Variants in KCNQ5 observed in about 807,000 individuals in gnomAD.
The protein encoded by KCNQ5 is potassium voltage-gated channel subfamily KQT member 5.
KCNQ5 carries 30 observed loss-of-function variants against 98.2 expected under a neutral mutation model. The ratio of observed to expected loss-of-function variants is 0.31; its 90% CI spans 0.23 to 0.41. The LOEUF (loss-of-function observed/expected upper bound fraction) is 0.41. Ranked by LOEUF, KCNQ5 falls within the 10% of genes least tolerant of loss-of-function variation. The probability of loss-of-function intolerance (pLI) is 1.00; values close to 1 mark genes in which losing one functional copy is unlikely to be tolerated. For missense variants in KCNQ5, 835 were observed against 1,182.5 expected (o/e 0.71, Z 4.31); for synonymous variants, 458 against 449.4 (o/e 1.02, Z -0.24).
At chr6:72,995,240 C>T (rs558300753) in intron 1 of KCNQ5, among the ~76,000 whole-genome samples, 13 of 151,976 alleles carry the variant, frequency 8.6e-5, no homozygotes, top group South Asian at 8.3e-4. Context: ...TGGTGGTGCA[C>T]GCCTGGAGTC....
chr6:73,064,499 G>T (rs926429249), intron 3 of KCNQ5, among the ~76,000 whole-genome samples: 1 of 151,854 alleles, frequency 6.6e-6, no homozygotes, highest in Admixed American at 6.6e-5. Flanking sequence ...TTTCAAATTT[G>T]ATTATTCATT....
intron 1 of KCNQ5, among the ~76,000 whole-genome samples, chr6:72,850,168 T>C (rs547549241): frequency 1.1e-3 from 165 of 152,252 alleles, no homozygotes; most frequent in African/African-American, 3.8e-3. Flanking sequence ...GGAAGGCACA[T>C]TGTCAGGTAA....
intron 2 of KCNQ5, among the ~76,000 whole-genome samples, chr6:73,037,512 G>A (rs7764774): frequency 0.24 from 36,913 of 151,892 alleles, 6,704 homozygotes; most frequent in East Asian, 0.5. Flanking sequence ...TTTTAAACCC[G>A]TGGTCCATTT....
At chr6:72,736,788 C>T (rs150792064) in intron 1 of KCNQ5, among the ~76,000 whole-genome samples, 1,758 of 151,794 alleles carry the variant, frequency 0.012, 30 homozygotes, top group African/African-American at 0.039. Context: ...CGTGAGCCAC[C>T]GCGCCCGGCC....
At chr6:72,742,771 C>A (rs1319928855) in intron 1 of KCNQ5, among the ~76,000 whole-genome samples, 2 of 152,112 alleles carry the variant, frequency 1.3e-5, no homozygotes, top group Admixed American at 1.3e-4. Flanking sequence ...TTAGGCCATG[C>A]CCTTGAGTTG....
intron 1 of KCNQ5, among the ~76,000 whole-genome samples, chr6:72,862,272 T>C (rs1777796957): frequency 1.3e-5 from 2 of 152,182 alleles, no homozygotes; most frequent in Admixed American, 1.3e-4. Flanking sequence ...GGAAATTCTC[T>C]AAGGAGGAGT....
chr6:72,965,623 C>A (rs1215920086), intron 1 of KCNQ5, among the ~76,000 whole-genome samples: 1 of 152,164 alleles, frequency 6.6e-6, no homozygotes, highest in Non-Finnish European at 1.5e-5. Context: ...ATCCACTGAC[C>A]CACAGCATCA....
intron 11 of KCNQ5, among the ~76,000 whole-genome samples, chr6:73,189,680 T>C (rs903885062): frequency 6.6e-6 from 1 of 152,236 alleles, no homozygotes; most frequent in African/African-American, 2.4e-5. Context: ...ATTCAAATGT[T>C]ATGTTTCTCT....
chr6:72,852,475 T>C (rs1777301906), intron 1 of KCNQ5, among the ~76,000 whole-genome samples: 1 of 150,800 alleles, frequency 6.6e-6, no homozygotes, highest in Admixed American at 6.6e-5. Context: ...TGGATGGAAC[T>C]GGAGGCCATT....
intron 1 of KCNQ5, among the ~76,000 whole-genome samples, chr6:72,651,658 G>A (rs1765882182): frequency 6.6e-6 from 1 of 152,022 alleles, no homozygotes; most frequent in African/African-American, 2.4e-5. Context: ...ATTTTGCAAT[G>A]TGTACCTCAA....
At chr6:72,670,108 A>G (rs935327859) in intron 1 of KCNQ5, among the ~76,000 whole-genome samples, 4 of 152,168 alleles carry the variant, frequency 2.6e-5, no homozygotes, top group African/African-American at 9.7e-5. Context: ...TGCTTTCTAC[A>G]AAACACTAAA....
Position 73,196,273 on chromosome 6 carries a change from C to T in KCNQ5, c.*859C>T, listed in dbSNP as rs1488640398. 2 of 152,146 alleles carry T rather than the reference C, an allele frequency of 1.3e-5. No homozygotes were observed. The highest frequency in any genetic ancestry group is 3.9e-4 in the East Asian group (2 of 5,190). 9.4% of individuals were successfully genotyped at this position (152,146 alleles called of 1,614,324 possible). ...CCAACCCCAGGCTTGCCAATACTGC[C>T]TATGTAAAGGGCAAGTGTGAGAAGC... is the stretch of plus-strand genomic sequence containing the variant. On this transcript the variant is annotated 3_prime_UTR_variant, in exon 14 of 14. Transcript: ENST00000370398.
intron 1 of KCNQ5, among the ~76,000 whole-genome samples, chr6:72,801,722 C>T (rs1471165586): frequency 8.6e-5 from 13 of 151,938 alleles, no homozygotes; most frequent in South Asian, 8.4e-4. Context: ...TTCCTAGCCT[C>T]GATGGTCTTT....
chr6:72,956,780 T>A (rs980601234), intron 1 of KCNQ5, among the ~76,000 whole-genome samples: 2 of 152,066 alleles, frequency 1.3e-5, no homozygotes, highest in Non-Finnish European at 1.5e-5. Flanking sequence ...GATACTCTTG[T>A]TGGAGGAGAA....
chr6:72,653,627 A>C (rs1027355234), intron 1 of KCNQ5, among the ~76,000 whole-genome samples: 1 of 152,074 alleles, frequency 6.6e-6, no homozygotes, highest in African/African-American at 2.4e-5. Flanking sequence ...TTATTTTGTC[A>C]GTCCAAATGT....
intron 12 of KCNQ5, among the ~76,000 whole-genome samples, chr6:73,191,357 T>C (rs1765581679): frequency 6.6e-6 from 1 of 152,198 alleles, no homozygotes; most frequent in Admixed American, 6.5e-5. Context: ...CCTGTACGGT[T>C]CTACAAATAT....
chr6:73,146,027 C>G (rs1776908971), intron 10 of KCNQ5, among the ~76,000 whole-genome samples: 1 of 152,180 alleles, frequency 6.6e-6, no homozygotes. Flanking sequence ...CAGTCCCTCC[C>G]CCAACATTGG....
intron 1 of KCNQ5, among the ~76,000 whole-genome samples, chr6:72,943,068 C>G (rs1766380163): frequency 6.6e-6 from 1 of 152,142 alleles, no homozygotes; most frequent in African/African-American, 2.4e-5. Flanking sequence ...TTAAAACAAA[C>G]ACAATTTCTT....
chr6:72,662,821 C>T (rs1003773048), intron 1 of KCNQ5, among the ~76,000 whole-genome samples: 1 of 152,066 alleles, frequency 6.6e-6, no homozygotes, highest in African/African-American at 2.4e-5. Context: ...TACAAATATG[C>T]ATCATACAAA....
Sources: allele counts gnomAD v4.1 joint callset (sites outside exome capture counted in the v4.1 genomes callset), GRCh38; gene constraint gnomAD v4.1.1; transcripts MANE v1.5; gene names NCBI Gene and HGNC (gene_info 2026-07-23, HGNC 2026-07-21).